Variants in RPP30 observed in about 807,000 individuals in gnomAD.
RPP30 encodes the protein ribonuclease P/MRP subunit p30, also known as ribonuclease P protein subunit p30.
In RPP30, 36 loss-of-function variants were observed where a neutral mutation model predicts 38.6. The observed-to-expected ratio is 0.93, with a 90% CI of 0.71 to 1.23. The LOEUF is 1.23. RPP30 is among the 50% of genes most tolerant of loss of function. The probability of loss-of-function intolerance (pLI) is 0.00; values close to 1 mark genes in which losing one functional copy is unlikely to be tolerated. For missense variants in RPP30, 321 were observed against 321.7 expected (o/e 1.00, Z 0.02); for synonymous variants, 126 against 112.7 (o/e 1.12, Z -0.75).
chr10:90,904,810 T>TA (rs899515419), downstream of RPP30, among the ~76,000 whole-genome samples: 2 of 151,862 alleles, frequency 1.3e-5, no homozygotes, highest in Non-Finnish European at 2.9e-5. Flanking sequence ...AGACTCTGTC[T>TA]AAAAAAAAGA....
chr10:90,875,030 C>A, intron 2 of RPP30, 106 bp downstream of exon 2: 1 of 587,306 alleles, frequency 1.7e-6, no homozygotes, highest in Non-Finnish European at 2.9e-6. Context: ...TAAATGCACC[C>A]CTTTGTGCAC....
downstream of RPP30, chr10:90,906,119 G>A (rs961109087): frequency 3.9e-5 from 6 of 152,314 alleles, no homozygotes; most frequent in Non-Finnish European, 5.9e-5. Context: ...GGCATAATGA[G>A]TATTGGGTGT....
At chr10:90,902,240 CAG>C (rs745956518), downstream of RPP30, 2 of 617,844 alleles carry the variant, frequency 3.2e-6, no homozygotes, top group South Asian at 8.1e-5. Flanking sequence ...CTTTTTGAGA[CAG>C]GGTCTCACTC....
chr10:90,890,797 G>A (rs1002024241), intron 6 of RPP30, among the ~76,000 whole-genome samples: 2 of 139,858 alleles, frequency 1.4e-5, no homozygotes, highest in African/African-American at 5.5e-5. Context: ...AAAGACCAAA[G>A]AGTGCCTAGA....
chr10:90,903,148 C>G, downstream of RPP30: 1 of 1,094,122 alleles, frequency 9.1e-7, no homozygotes, highest in Non-Finnish European at 1.4e-6. Flanking sequence ...AAACTCTGCA[C>G]TTGGATTGCT....
At chr10:90,902,606 A>G (rs1020959359), downstream of RPP30, among the ~76,000 whole-genome samples, 1 of 152,232 alleles carries the variant, frequency 6.6e-6, no homozygotes, top group African/African-American at 2.4e-5. Flanking sequence ...AATAGATGCC[A>G]GAAAGACATT....
At chr10:90,872,481 C>G (rs1008965805) in intron 1 of RPP30, among the ~76,000 whole-genome samples, 7 of 151,920 alleles carry the variant, frequency 4.6e-5, no homozygotes, top group African/African-American at 1.7e-4. Flanking sequence ...CGTGGAGGCT[C>G]GGAGAAGGAG....
intron 10 of RPP30, among the ~76,000 whole-genome samples, chr10:90,898,981 T>A (rs1847173319): frequency 6.6e-6 from 1 of 152,176 alleles, no homozygotes; most frequent in Admixed American, 6.5e-5. Context: ...CTTGGCAAGA[T>A]GATTAAAGGA....
intron 4 of RPP30, among the ~76,000 whole-genome samples, chr10:90,878,106 T>G (rs1188662966): frequency 6.6e-6 from 1 of 152,156 alleles, no homozygotes; most frequent in African/African-American, 2.4e-5. Flanking sequence ...TCATTTACTC[T>G]TGTTACCATG....
At chr10:90,893,905 G>A (rs1231791270) in intron 6 of RPP30, among the ~76,000 whole-genome samples, 1 of 152,178 alleles carries the variant, frequency 6.6e-6, no homozygotes, top group East Asian at 1.9e-4. Context: ...AGACATTTAG[G>A]TGCTCATTAG....
chr10:90,891,745 G>A (rs536428944), intron 6 of RPP30, among the ~76,000 whole-genome samples: 5 of 152,298 alleles, frequency 3.3e-5, no homozygotes, highest in African/African-American at 1.2e-4. Flanking sequence ...GTATCTCTTC[G>A]TATTTGCTTA....
At chr10:90,896,047 ATAAAT>A in intron 9 of RPP30, 130 bp downstream of exon 9, 2 of 710,254 alleles carry the variant, frequency 2.8e-6, no homozygotes, top group Non-Finnish European at 4.7e-6. Context: ...AACTTCAAAA[ATAAAT>A]TATATAACAT....
intron 4 of RPP30, among the ~76,000 whole-genome samples, 169 bp downstream of exon 4, chr10:90,876,267 G>C (rs1309400129): frequency 1.3e-5 from 2 of 152,114 alleles, no homozygotes; most frequent in African/African-American, 2.4e-5. Context: ...TAATATGTCT[G>C]TTCCACTTAC....
intron 1 of RPP30, among the ~76,000 whole-genome samples, chr10:90,873,027 T>G (rs1275972133): frequency 6.6e-6 from 1 of 152,154 alleles, no homozygotes; most frequent in Non-Finnish European, 1.5e-5. Context: ...TTTTCCTAGG[T>G]GTAGTTTGTC....
intron 6 of RPP30, among the ~76,000 whole-genome samples, chr10:90,887,525 G>A (rs1005151397): frequency 2.0e-5 from 3 of 151,668 alleles, no homozygotes; most frequent in Non-Finnish European, 4.4e-5. Context: ...TGGGATTACA[G>A]GTGCACACCA....
At chr10:90,872,218 T>C in intron 1 of RPP30, 150 bp downstream of exon 1, 1 of 679,592 alleles carries the variant, frequency 1.5e-6, no homozygotes. Flanking sequence ...GAGGTGTTGG[T>C]CTGATTCCTA....
rs1198588226 is a variant in RPP30 at position 90,900,980 on chromosome 10, T to G, written c.*301T>G. ...ACTTGAATAAAATGTTTCAGGTATT[T>G]TTGTTTCATTTTGTTTTTGAGATAG... is the stretch of plus-strand genomic sequence containing the variant. On this transcript the variant is annotated 3_prime_UTR_variant, in exon 11 of 11. Coordinates refer to ENST00000371703, the MANE Select transcript of RPP30 (RefSeq NM_006413.5). 3 of 1,036,044 alleles carry G rather than the reference T, an allele frequency of 2.9e-6. No homozygotes were observed. Among genetic ancestry groups the G allele is most frequent in the Non-Finnish European group, 3.5e-6 (3 of 858,718 alleles). 64.2% of individuals were successfully genotyped at this position (1,036,044 alleles called of 1,614,324 possible).
intron 10 of RPP30, among the ~76,000 whole-genome samples, chr10:90,896,595 A>G (rs1009045202): frequency 6.6e-6 from 1 of 152,172 alleles, no homozygotes; most frequent in African/African-American, 2.4e-5. Context: ...TATAGTTTTC[A>G]TTACAGAAAT....
chr10:90,900,624 C>T lies in RPP30; in HGVS notation c.752C>T (p.Ser251Leu), dbSNP rs773991831. The change falls in exon 11 of 11, where the codon TCA becomes TTA. Residue 251 changes from serine to leucine, a missense_variant. Coordinates refer to ENST00000371703, the MANE Select transcript of RPP30 (RefSeq NM_006413.5). ...IISTVKKPRP[S>L]EGDEDCLPAS... ...TCTACAGTGAAGAAACCTCGGCCAT[C>T]AGAAGGAGATGAAGATTGTCTTCCA... 6.2e-7 allele frequency: 1 copy of T among 1,613,694 alleles called. No individual in the cohort carries two copies. Among genetic ancestry groups the T allele is most frequent in the Non-Finnish European group, 8.5e-7 (1 of 1,179,776 alleles).
Sources: allele counts gnomAD v4.1 joint callset (sites outside exome capture counted in the v4.1 genomes callset), GRCh38; gene constraint gnomAD v4.1.1; transcripts MANE v1.5; gene names NCBI Gene and HGNC (gene_info 2026-07-23, HGNC 2026-07-21).